Variants in RANBP17 observed in about 807,000 individuals in gnomAD.
RANBP17 encodes the protein ran-binding protein 17.
A neutral mutation model predicts 141.2 loss-of-function variants in RANBP17; 158 were observed. The observed-to-expected ratio is 1.12, with a 90% CI of 0.98 to 1.28. The LOEUF (loss-of-function observed/expected upper bound fraction) is 1.28, where lower values mean the gene tolerates loss of function less well. RANBP17 is among the 50% of genes most tolerant of loss of function. RANBP17 has a pLI of 0.00. For synonymous variants in RANBP17, 430 were observed against 450.0 expected (o/e 0.96, Z 0.56); for missense variants, 1,438 against 1,290.7 (o/e 1.11, Z -1.75).
rs542255768 is a variant in RANBP17 at position 171,256,254 on chromosome 5, CTG to C, written c.2777-9424_2777-9423del. Among the ~76,000 whole-genome samples, 490 of 152,324 alleles carry C rather than the reference CTG, an allele frequency of 3.2e-3. 2 individuals carry two copies. Among genetic ancestry groups the C allele is most frequent in the African/African-American group, 0.011 (463 of 41,570 alleles). On this transcript the variant is annotated intron_variant, in intron 24 of 27. Transcript: ENST00000523189. Reference sequence around the variant, plus strand: ...ACCTTGGGCAAGTCACTTAACCTCTCTGTGCTTCAGTCTCACTGTCTTTTAAA... The same window carrying C: ...ACCTTGGGCAAGTCACTTAACCTCTCTGCTTCAGTCTCACTGTCTTTTAAA...
At chr5:170,937,737 G>C (rs1773994888) in intron 12 of RANBP17, among the ~76,000 whole-genome samples, 1 of 152,080 alleles carries the variant, frequency 6.6e-6, no homozygotes. Context: ...GATGACACAT[G>C]ACAATCTTTT....
rs745367464 is a variant in RANBP17 at position 170,916,462 on chromosome 5, T to A, written c.835-3T>A. ...GAAATGAAATTTTTTTGGTATTTTT[T>A]AGGCACTTTCATGTTTAGTTCAGTT... On this transcript the variant is annotated splice_region_variant and splice_polypyrimidine_tract_variant and intron_variant, in intron 8 of 27. Coordinates refer to ENST00000523189, the MANE Select transcript of RANBP17 (RefSeq NM_022897.5). The A allele has an allele frequency of 2.0e-6, 3 of 1,532,656 alleles. No individual in the cohort carries two copies. The South Asian group carries it at 3.9e-5, about 20-fold the overall frequency. 94.9% of individuals were successfully genotyped at this position (1,532,656 alleles called of 1,614,324 possible). A position where few individuals can be genotyped will look rare whatever the true frequency, so the allele number is the denominator to read the frequency against.
chr5:171,175,506 G>C (rs1352977097), intron 16 of RANBP17, among the ~76,000 whole-genome samples: 1 of 152,032 alleles, frequency 6.6e-6, no homozygotes, highest in African/African-American at 2.4e-5. Flanking sequence ...GCAGCCTACA[G>C]AATGGGAGAA....
chr5:171,201,982 C>T (rs17651811), intron 19 of RANBP17, among the ~76,000 whole-genome samples: 3 of 152,148 alleles, frequency 2.0e-5, no homozygotes, highest in East Asian at 1.9e-4. Context: ...ATGAAAATGC[C>T]GCAGGACTGC....
At chr5:170,985,124 TACACAA>T (rs1778058813) in intron 14 of RANBP17, among the ~76,000 whole-genome samples, 1 of 149,586 alleles carries the variant, frequency 6.7e-6, no homozygotes, top group East Asian at 2.0e-4. Flanking sequence ...AACACATACA[TACACAA>T]ACACAGACAC....
chr5:171,230,402 A>G (rs1017236191), intron 22 of RANBP17, among the ~76,000 whole-genome samples: 1 of 152,222 alleles, frequency 6.6e-6, no homozygotes, highest in Admixed American at 6.5e-5. Flanking sequence ...AGCTAATGTT[A>G]AGGAGCTTTA....
At chr5:170,870,002 T>A (rs575072919) in intron 1 of RANBP17, among the ~76,000 whole-genome samples, 235 of 152,320 alleles carry the variant, frequency 1.5e-3, no homozygotes, top group Non-Finnish European at 2.8e-3. Flanking sequence ...TTACTATTTC[T>A]TGGCCTAATT....
intron 24 of RANBP17, among the ~76,000 whole-genome samples, chr5:171,260,174 C>T (rs1258986866): frequency 6.6e-6 from 1 of 151,042 alleles, no homozygotes; most frequent in East Asian, 2.0e-4. Context: ...GTGGCAGGCA[C>T]CTGTAATCCC....
At position 170,924,432 on chromosome 5, in the gene RANBP17, A is replaced by T; in HGVS notation, c.1350A>T (p.Arg450Ser). The T allele has an allele frequency of 6.2e-7, 1 of 1,613,546 alleles. No individual in the cohort carries two copies. Among genetic ancestry groups the T allele is most frequent in the Non-Finnish European group, 8.5e-7 (1 of 1,179,562 alleles). The change falls in exon 12 of 28, where the codon AGA becomes AGT. Residue 450 changes from arginine to serine, a missense_variant. Transcript: ENST00000523189. ...TGGAGCAGTTGTGCACGGTCAGCAG[A>T]TGTGAATATGAAAAGACATGTGCTC... Reference protein sequence around the residue: ...QQLEQLCTVSRCEYEKTCALL... With the variant: ...QQLEQLCTVSSCEYEKTCALL...
At chr5:171,089,280 G>A (rs1466210019) in intron 14 of RANBP17, among the ~76,000 whole-genome samples, 1 of 100,780 alleles carries the variant, frequency 9.9e-6, no homozygotes, top group African/African-American at 3.0e-5. Flanking sequence ...CGGGGGTCAC[G>A]GGTCAGGGAC....
intron 14 of RANBP17, among the ~76,000 whole-genome samples, chr5:171,113,268 T>C (rs1755377897): frequency 6.6e-6 from 1 of 152,190 alleles, no homozygotes; most frequent in South Asian, 2.1e-4. Flanking sequence ...GATTTGAGCA[T>C]TCTTGGCAAT....
chr5:171,171,145 C>T (rs1333551450), intron 15 of RANBP17, 61 bp from the exon 16 acceptor site: 2 of 880,416 alleles, frequency 2.3e-6, no homozygotes, highest in African/African-American at 3.4e-5. Context: ...TGTGTATTCT[C>T]TGGTTCTCCT....
At chr5:171,298,718 T>C (rs774045339) in intron 27 of RANBP17, 44 bp from the exon 28 acceptor site, 1 of 1,477,640 alleles carries the variant, frequency 6.8e-7, no homozygotes, top group East Asian at 2.3e-5. Flanking sequence ...TCATGGAGGC[T>C]TTGCCTCATT....
intron 14 of RANBP17, among the ~76,000 whole-genome samples, chr5:171,118,526 A>G (rs1755802231): frequency 6.6e-6 from 1 of 151,942 alleles, no homozygotes; most frequent in Non-Finnish European, 1.5e-5. Context: ...CTGATCCATG[A>G]GCATAGGATG....
intron 14 of RANBP17, among the ~76,000 whole-genome samples, chr5:170,988,590 G>C (rs1251282531): frequency 6.6e-6 from 1 of 151,370 alleles, no homozygotes; most frequent in Non-Finnish European, 1.5e-5. Context: ...TGGATCTTGT[G>C]GAAATCATCA....
At chr5:170,928,924 T>G (rs930471790) in intron 12 of RANBP17, among the ~76,000 whole-genome samples, 1 of 152,098 alleles carries the variant, frequency 6.6e-6, no homozygotes, top group Non-Finnish European at 1.5e-5. Flanking sequence ...TTAACAACAT[T>G]GAGGCCTGCA....
intron 1 of RANBP17, among the ~76,000 whole-genome samples, chr5:170,872,026 T>G (rs1163411832): frequency 6.6e-6 from 1 of 152,136 alleles, no homozygotes; most frequent in African/African-American, 2.4e-5. Context: ...CCATATGAAT[T>G]TTAAGGTAGT....
rs141306475 is a variant in RANBP17, at chr5:171,077,233, G to A, written c.1711-92897G>A. The stretch of plus-strand genomic sequence containing the variant: ...CGGGCGCCTGTAGTCCCAGCTACTC[G>A]GGAAGCTGAGGCAGGAGAATGGCGT... On this transcript the variant is annotated intron_variant, in intron 14 of 27. Coordinates refer to ENST00000523189, the MANE Select transcript of RANBP17 (RefSeq NM_022897.5). Among the ~76,000 whole-genome samples, 819 of 152,134 alleles carry A rather than the reference G, an allele frequency of 5.4e-3. 12 individuals carry two copies. Among genetic ancestry groups the A allele is most frequent in the African/African-American group, 0.019 (791 of 41,492 alleles).
chr5:171,098,791 A>C (rs1026310883), intron 14 of RANBP17, among the ~76,000 whole-genome samples: 5 of 152,134 alleles, frequency 3.3e-5, no homozygotes, highest in African/African-American at 1.2e-4. Context: ...TAAATCTTTA[A>C]TCCATCTTGA....
Sources: allele counts gnomAD v4.1 joint callset (sites outside exome capture counted in the v4.1 genomes callset), GRCh38; gene constraint gnomAD v4.1.1; transcripts MANE v1.5; gene names NCBI Gene and HGNC (gene_info 2026-07-23, HGNC 2026-07-21).